The following ZDHHC14 variants were observed in gnomAD, a reference collection of about 807,000 sequenced individuals.
ZDHHC14 encodes the protein zDHHC palmitoyltransferase 14, also known as palmitoyltransferase ZDHHC14.
ZDHHC14 carries 16 observed loss-of-function variants against 47.7 expected under a neutral mutation model. The observed-to-expected ratio is 0.34, with a 90% CI of 0.23 to 0.51. The LOEUF (loss-of-function observed/expected upper bound fraction) is 0.51, where lower values mean the gene tolerates loss of function less well. ZDHHC14 is among the 20% of genes least tolerant of loss of function. ZDHHC14 has a pLI of 0.97. For missense variants in ZDHHC14, 515 were observed against 662.5 expected, an observed-to-expected ratio of 0.78 and a Z score of 2.44; for synonymous variants, 293 against 278.9, an observed-to-expected ratio of 1.05 and a Z score of -0.50.
At chr6:157,557,451 A>T (rs1434990599) in intron 2 of ZDHHC14, among the ~76,000 whole-genome samples, 1 of 152,130 alleles carries the variant, frequency 6.6e-6, no homozygotes, top group East Asian at 1.9e-4. Flanking sequence ...CTCATCCTAT[A>T]ATATATATGG....
intron 1 of ZDHHC14, among the ~76,000 whole-genome samples, chr6:157,448,062 A>G (rs1054832495): frequency 3.3e-5 from 5 of 152,138 alleles, no homozygotes; most frequent in Non-Finnish European, 7.3e-5. Context: ...TTATTTATGT[A>G]GAGACAGAGT....
rs141509382 is a variant in ZDHHC14, at chr6:157,586,841, G to C, written c.407-6147G>C. 1.4e-3 allele frequency among the ~76,000 whole-genome samples: 211 copies of C among 152,188 alleles called. 1 individual carries two copies. Among genetic ancestry groups the C allele is most frequent in the African/African-American group, 4.7e-3 (196 of 41,510 alleles). ...ATTTAGTCAAAGAGTTTTGGGTTTC[G>C]GTTTAATTCTTAAGCTTCAGTTTAC... On this transcript the variant is annotated intron_variant, in intron 2 of 8. Transcript: ENST00000359775. The surrounding 1 kb of genome is among the most constrained non-coding windows in gnomAD (Gnocchi z 4.6).
At chr6:157,609,284 A>G (rs1205859228) in intron 3 of ZDHHC14, among the ~76,000 whole-genome samples, 2 of 152,108 alleles carry the variant, frequency 1.3e-5, no homozygotes, top group African/African-American at 4.8e-5. Context: ...GGAAAGCGAG[A>G]GGTGGGAAAT....
chr6:157,511,012 G>C (rs761041217), intron 1 of ZDHHC14, among the ~76,000 whole-genome samples: 4 of 152,212 alleles, frequency 2.6e-5, no homozygotes, highest in Non-Finnish European at 5.9e-5. Flanking sequence ...ATCATGGAAA[G>C]CAACTGTCTC....
At position 157,586,280 on chromosome 6, in the gene ZDHHC14, A is replaced by C. The variant is rs1175839678; in HGVS notation, c.407-6708A>C. Among the ~76,000 whole-genome samples, 1 of 152,164 alleles carries C rather than the reference A, an allele frequency of 6.6e-6. No homozygotes were observed. Among genetic ancestry groups the C allele is most frequent in the Non-Finnish European group, 1.5e-5 (1 of 68,020 alleles). ...GCAGTGAGAGCCCAAAGGAGGAAAC[A>C]AGTAACTCTGCTTGCAAAGTGTTTT... On this transcript the variant is annotated intron_variant, in intron 2 of 8. Transcript: ENST00000359775. This position sits in a 1 kb window ranked among gnomAD's most constrained non-coding sequence, Gnocchi z 4.6.
At chr6:157,447,845 T>G (rs1365753221) in intron 1 of ZDHHC14, among the ~76,000 whole-genome samples, 1 of 152,198 alleles carries the variant, frequency 6.6e-6, no homozygotes, top group Non-Finnish European at 1.5e-5. Context: ...AATGAAACTA[T>G]AAGCTCTTGT....
intron 1 of ZDHHC14, among the ~76,000 whole-genome samples, chr6:157,453,785 G>GTTTTTTTT (rs1554258659): frequency 3.6e-5 from 3 of 83,020 alleles, no homozygotes; most frequent in African/African-American, 1.6e-4. Context: ...TGTTTTTTGT[G>GTTTTTTTT]TTTTGTGTGT....
intron 1 of ZDHHC14, among the ~76,000 whole-genome samples, chr6:157,476,171 A>G (rs1779478119): frequency 6.6e-6 from 1 of 152,156 alleles, no homozygotes; most frequent in African/African-American, 2.4e-5. Flanking sequence ...TGGTTTTTTG[A>G]AAAGATAAAA....
chr6:157,466,834 T>TCAAAAAA (rs949176755), intron 1 of ZDHHC14, among the ~76,000 whole-genome samples: 8 of 151,472 alleles, frequency 5.3e-5, no homozygotes, highest in Non-Finnish European at 1.2e-4. Context: ...AGACTCTTTC[T>TCAAAAAA]CAAAAAACAA....
At chr6:157,525,778 C>G (rs1160014241) in intron 1 of ZDHHC14, among the ~76,000 whole-genome samples, 1 of 152,182 alleles carries the variant, frequency 6.6e-6, no homozygotes, top group East Asian at 1.9e-4. Flanking sequence ...ACATTGCTCC[C>G]TCCCGTCCCA....
At chr6:157,407,923 A>C (rs934443519) in intron 1 of ZDHHC14, among the ~76,000 whole-genome samples, 10 of 152,244 alleles carry the variant, frequency 6.6e-5, no homozygotes, top group Admixed American at 1.3e-4. Flanking sequence ...GCAGGTTTTT[A>C]AAATGCGAGT....
At chr6:157,483,926 A>G (rs1424202067) in intron 1 of ZDHHC14, among the ~76,000 whole-genome samples, 1 of 152,194 alleles carries the variant, frequency 6.6e-6, no homozygotes, top group Non-Finnish European at 1.5e-5. Flanking sequence ...CTAGATAAAG[A>G]AAATGTAGTA....
At chr6:157,531,268 A>C (rs1781354303) in intron 1 of ZDHHC14, among the ~76,000 whole-genome samples, 1 of 133,438 alleles carries the variant, frequency 7.5e-6, no homozygotes, top group South Asian at 2.6e-4. Context: ...TGCCACAGTG[A>C]CTAAACAGCC....
intron 1 of ZDHHC14, among the ~76,000 whole-genome samples, chr6:157,416,489 C>T (rs762413696): frequency 1.3e-5 from 2 of 151,140 alleles, no homozygotes; most frequent in South Asian, 2.1e-4. Flanking sequence ...ACGGTGAGAC[C>T]TTCTATCAAA....
chr6:157,439,624 A>G (rs767358817), intron 1 of ZDHHC14, among the ~76,000 whole-genome samples: 11 of 152,346 alleles, frequency 7.2e-5, no homozygotes, highest in Non-Finnish European at 1.5e-4. Context: ...ACCTAGAGCC[A>G]GAAATACCAT....
intron 4 of ZDHHC14, 122 bp downstream of exon 4, chr6:157,628,608 T>G: frequency 7.6e-7 from 1 of 1,312,406 alleles, no homozygotes; most frequent in Non-Finnish European, 1.0e-6. Context: ...CTTTCTCCCT[T>G]TCCCCTCCTC....
At chr6:157,499,995 C>A (rs9365055) in intron 1 of ZDHHC14, among the ~76,000 whole-genome samples, 63,232 of 151,964 alleles carry the variant, frequency 0.42, 13,378 homozygotes, top group East Asian at 0.5. Context: ...AGGAAGTCCA[C>A]AAATATATGT....
intron 3 of ZDHHC14, among the ~76,000 whole-genome samples, chr6:157,624,266 G>A (rs764081631): frequency 8.5e-5 from 13 of 152,314 alleles, no homozygotes; most frequent in East Asian, 1.9e-4. Context: ...TCCTCTGAGC[G>A]CATTCAGAGC....
At chr6:157,653,488 TCA>T in intron 7 of ZDHHC14, 35 bp from the exon 8 acceptor site, 1 of 1,608,088 alleles carries the variant, frequency 6.2e-7, no homozygotes, top group Admixed American at 1.7e-5. Context: ...GGCTTTTTAT[TCA>T]CTCTCTTCCT....
Sources: allele counts gnomAD v4.1 joint callset (sites outside exome capture counted in the v4.1 genomes callset), GRCh38; gene constraint gnomAD v4.1.1; non-coding constraint Gnocchi (gnomAD v3.1); transcripts MANE v1.5; gene names NCBI Gene and HGNC (gene_info 2026-07-23, HGNC 2026-07-21).